DACH1: variants seen among roughly 807,000 people sequenced by gnomAD.
DACH1 encodes dachshund family transcription factor 1.
In DACH1, 12 loss-of-function variants were observed where a neutral mutation model predicts 54.2. The ratio of observed to expected loss-of-function variants is 0.22; its 90% CI spans 0.14 to 0.36. The LOEUF is 0.36. Ranked by LOEUF, DACH1 falls within the 10% of genes least tolerant of loss-of-function variation. DACH1 has a pLI of 1.00. For missense variants in DACH1, 805 were observed against 929.8 expected (o/e 0.87, Z 1.75); for synonymous variants, 386 against 366.2 (o/e 1.05, Z -0.62).
At chr13:71,698,234 A>G (rs1173203291) in intron 1 of DACH1, among the ~76,000 whole-genome samples, 1 of 152,114 alleles carries the variant, frequency 6.6e-6, no homozygotes, top group East Asian at 1.9e-4. Context: ...GAAAAATCCA[A>G]TAATAAATGG....
intron 1 of DACH1, among the ~76,000 whole-genome samples, chr13:71,835,703 G>A (rs532788457): frequency 2.0e-5 from 3 of 152,102 alleles, no homozygotes; most frequent in Admixed American, 2.0e-4. Flanking sequence ...TTATTCTCAA[G>A]AGTGTCCTAG....
intron 6 of DACH1, among the ~76,000 whole-genome samples, chr13:71,509,202 A>G (rs1880569106): frequency 6.6e-6 from 1 of 152,130 alleles, no homozygotes; most frequent in Non-Finnish European, 1.5e-5. Flanking sequence ...TCAAACTTTC[A>G]GCATGATTTT....
intron 7 of DACH1, among the ~76,000 whole-genome samples, chr13:71,487,961 T>TA (rs1399397206): frequency 6.6e-6 from 1 of 152,182 alleles, no homozygotes; most frequent in Non-Finnish European, 1.5e-5. Flanking sequence ...GATTTTCAAT[T>TA]ACTGAGTTAT....
chr13:71,758,547 A>T lies in DACH1; in HGVS notation c.849-76637T>A, dbSNP rs560385990. On this transcript the variant is annotated intron_variant, in intron 1 of 10. Transcript: ENST00000613252. ...TAGCAAGGCATCCAGATCCTCAAAT[A>T]TTTTTTTATGGAGGAATACTCTAAA... is the stretch of plus-strand genomic sequence containing the variant. 2.2e-4 allele frequency among the ~76,000 whole-genome samples: 33 copies of T among 152,290 alleles called. No individual in the cohort carries two copies. The South Asian group carries it at 2.3e-3, about 11-fold the overall frequency.
intron 6 of DACH1, among the ~76,000 whole-genome samples, chr13:71,494,887 T>A (rs950081484): frequency 6.6e-6 from 1 of 152,090 alleles, no homozygotes; most frequent in African/African-American, 2.4e-5. Context: ...TAAGACAAAG[T>A]ATTTTTCTCT....
intron 2 of DACH1, among the ~76,000 whole-genome samples, chr13:71,644,476 G>A (rs1253086471): frequency 2.6e-5 from 4 of 152,052 alleles, no homozygotes; most frequent in East Asian, 1.9e-4. Context: ...CCACTTCCAC[G>A]CCACAGTATA....
intron 1 of DACH1, among the ~76,000 whole-genome samples, chr13:71,688,559 G>T (rs894694907): frequency 6.6e-6 from 1 of 152,080 alleles, no homozygotes; most frequent in Non-Finnish European, 1.5e-5. Context: ...TCTCTGTGTA[G>T]TTGTGTGTCC....
intron 6 of DACH1, among the ~76,000 whole-genome samples, chr13:71,505,450 A>G (rs1880236328): frequency 6.6e-6 from 1 of 152,286 alleles, no homozygotes; most frequent in Non-Finnish European, 1.5e-5. Context: ...AAATAACCAT[A>G]TAAGTCTACT....
intron 4 of DACH1, among the ~76,000 whole-genome samples, chr13:71,562,099 TAAGA>T (rs1339388475): frequency 1.3e-5 from 2 of 152,162 alleles, no homozygotes; most frequent in Non-Finnish European, 2.9e-5. Flanking sequence ...TGTTGAACTT[TAAGA>T]GTTTTTGTAC....
In DACH1 at chr13:71,866,473, G is replaced by T. The variant is rs1284950519; in HGVS notation, c.297C>A (p.Gly99=). ...SGNGGGGGGG[G]GGSNCNPNLA... ...GGTTGGGGTTGCAGTTGCTGCCACCGCCGCCGCCGCCACCGCCGCCTCCGT... is the reference window on the plus strand; with the variant it reads ...GGTTGGGGTTGCAGTTGCTGCCACCTCCGCCGCCGCCACCGCCGCCTCCGT... Residue 99 remains glycine (G), a synonymous_variant, in exon 1 of 11, where the codon GGC becomes GGA. Transcript: ENST00000613252. 12 of 1,247,404 alleles carry T rather than the reference G, an allele frequency of 9.6e-6. No homozygotes were observed. The East Asian group carries it at 4.0e-4, about 42-fold the overall frequency. 77.3% of individuals were successfully genotyped at this position (1,247,404 alleles called of 1,614,324 possible).
At chr13:71,703,411 G>T (rs1468592704) in intron 1 of DACH1, among the ~76,000 whole-genome samples, 1 of 152,138 alleles carries the variant, frequency 6.6e-6, no homozygotes, top group East Asian at 1.9e-4. Flanking sequence ...TTCTATGAGA[G>T]CGCATGGGTC....
intron 3 of DACH1, among the ~76,000 whole-genome samples, chr13:71,580,538 T>A (rs1029264028): frequency 1.3e-5 from 2 of 152,230 alleles, no homozygotes; most frequent in African/African-American, 2.4e-5. Context: ...TTTTATACAA[T>A]GTTATCAGTT....
chr13:71,816,620 GTGTATATATACACA>G (rs1566519361), intron 1 of DACH1, among the ~76,000 whole-genome samples: 3 of 21,228 alleles, frequency 1.4e-4, no homozygotes, highest in Non-Finnish European at 4.2e-4. Context: ...ATATATACAC[GTGTATATATACACA>G]CACATATGTG....
chr13:71,679,575 T>C (rs1566427621), intron 2 of DACH1, among the ~76,000 whole-genome samples: 1 of 150,854 alleles, frequency 6.6e-6, no homozygotes, highest in Non-Finnish European at 1.5e-5. Context: ...AAAAAATGAT[T>C]ATTAAAATGG....
intron 1 of DACH1, among the ~76,000 whole-genome samples, chr13:71,812,922 C>A (rs1453180580): frequency 1.3e-5 from 2 of 152,154 alleles, no homozygotes; most frequent in East Asian, 3.9e-4. Flanking sequence ...CCTCAAATTG[C>A]TTGGGTCTGC....
intron 4 of DACH1, among the ~76,000 whole-genome samples, chr13:71,568,691 A>C (rs1885031998): frequency 6.6e-6 from 1 of 152,050 alleles, no homozygotes; most frequent in Non-Finnish European, 1.5e-5. Context: ...AAAAGCTTAG[A>C]TATATGAAAA....
intron 6 of DACH1, among the ~76,000 whole-genome samples, chr13:71,533,769 AACACACAC>A (rs141125520): frequency 1.1e-4 from 17 of 148,094 alleles, no homozygotes; most frequent in African/African-American, 2.0e-4. Flanking sequence ...CACACACACA[AACACACAC>A]ACACACACAC....
intron 6 of DACH1, among the ~76,000 whole-genome samples, chr13:71,554,376 T>A (rs1033628465): frequency 3.9e-5 from 6 of 152,264 alleles, no homozygotes; most frequent in African/African-American, 1.2e-4. Flanking sequence ...AAAATTTATT[T>A]GTCATTATAA....
intron 3 of DACH1, 105 bp downstream of exon 3, chr13:71,630,451 T>C (rs1025798314): frequency 7.0e-6 from 10 of 1,436,458 alleles, no homozygotes; most frequent in South Asian, 1.7e-5. Context: ...AAGCTAAAAG[T>C]GCCAACTTTT....
Sources: gnomAD v4.1 joint callset for allele counts (sites outside exome capture counted in the v4.1 genomes callset) on GRCh38, gnomAD v4.1.1 for gene constraint, MANE v1.5 for transcripts, NCBI Gene and HGNC (gene_info 2026-07-23, HGNC 2026-07-21) for gene names.